DOK6: variants seen among roughly 807,000 people sequenced by gnomAD.
DOK6 encodes the protein downstream of tyrosine kinase 6.
DOK6 carries 22 observed loss-of-function variants against 44.0 expected under a neutral mutation model. That is an observed-to-expected ratio of 0.50 (90% CI 0.36 to 0.71). The LOEUF (loss-of-function observed/expected upper bound fraction) is 0.71, where lower values mean the gene tolerates loss of function less well. DOK6 is among the 30% of genes least tolerant of loss of function. The pLI is 0.00. For missense variants in DOK6, 340 were observed against 416.4 expected (o/e 0.82, Z 1.60); for synonymous variants, 166 against 145.5 (o/e 1.14, Z -1.01).
At chr18:69,699,286 C>T (rs981935766) in intron 5 of DOK6, among the ~76,000 whole-genome samples, 2 of 152,150 alleles carry the variant, frequency 1.3e-5, no homozygotes, top group African/African-American at 4.8e-5. Context: ...CATGATTTAT[C>T]ACATTCTTAA....
intron 7 of DOK6, among the ~76,000 whole-genome samples, chr18:69,821,203 C>T (rs965080260): frequency 2.6e-5 from 4 of 151,918 alleles, no homozygotes; most frequent in African/African-American, 4.8e-5. Context: ...TGAAAGTTAC[C>T]GATAGGACAT....
chr18:69,608,819 A>G (rs1984063193), intron 3 of DOK6, among the ~76,000 whole-genome samples: 1 of 151,848 alleles, frequency 6.6e-6, no homozygotes, highest in Non-Finnish European at 1.5e-5. Flanking sequence ...GCGTGGTGGC[A>G]GGCGCCTATA....
In DOK6 at chr18:69,529,580, G is replaced by A. The variant is rs147394730; in HGVS notation, c.67-34907G>A. On this transcript the variant is annotated intron_variant, in intron 1 of 7. Transcript: ENST00000382713. Reference sequence around the variant, plus strand: ...GAGTAATTGCAAGATAGCGTAATGGGCACTCCATAACATAATAAATATACT... The same window carrying A: ...GAGTAATTGCAAGATAGCGTAATGGACACTCCATAACATAATAAATATACT... 2.7e-4 allele frequency among the ~76,000 whole-genome samples: 41 copies of A among 152,014 alleles called. 1 individual carries two copies. The highest frequency in any genetic ancestry group is 9.7e-4 in the African/African-American group (40 of 41,372).
At chr18:69,806,635 G>T (rs544246598) in intron 7 of DOK6, among the ~76,000 whole-genome samples, 17 of 151,978 alleles carry the variant, frequency 1.1e-4, no homozygotes, top group African/African-American at 4.1e-4. Context: ...AGATTCAGAA[G>T]TACAGTATAA....
intron 1 of DOK6, among the ~76,000 whole-genome samples, chr18:69,429,413 A>T (rs62096603): frequency 0.13 from 19,943 of 151,610 alleles, 1,665 homozygotes; most frequent in South Asian, 0.28. Flanking sequence ...TTTAAAAATG[A>T]TTGGCTTTTC....
intron 2 of DOK6, among the ~76,000 whole-genome samples, chr18:69,584,754 A>G (rs1229134195): frequency 6.6e-6 from 1 of 152,074 alleles, no homozygotes; most frequent in Non-Finnish European, 1.5e-5. Context: ...TGGAAAATGA[A>G]TATATTGTTT....
chr18:69,762,946 G>T (rs1979609285), intron 7 of DOK6, among the ~76,000 whole-genome samples: 1 of 152,212 alleles, frequency 6.6e-6, no homozygotes, highest in Non-Finnish European at 1.5e-5. Context: ...GAAAAAGTCA[G>T]TAATCTGATT....
rs1982295966 is a variant in DOK6 at position 69,844,099 on chromosome 18, T to C, written c.*2716T>C. 1 of 152,192 alleles carries C rather than the reference T, an allele frequency of 6.6e-6. No individual in the cohort carries two copies. Among genetic ancestry groups the C allele is most frequent in the Non-Finnish European group, 1.5e-5 (1 of 68,040 alleles). 9.4% of individuals were successfully genotyped at this position (152,192 alleles called of 1,614,324 possible). ...GGAGCAACCAGAAGGGTCATGGAGA[T>C]GTATACCACTCGCTTGGGCTCGTAG... On this transcript the variant is annotated 3_prime_UTR_variant, in exon 8 of 8. Coordinates refer to ENST00000382713, the MANE Select transcript of DOK6 (RefSeq NM_152721.6).
chr18:69,563,266 A>G (rs187855100), intron 1 of DOK6, among the ~76,000 whole-genome samples: 128 of 152,352 alleles, frequency 8.4e-4, no homozygotes, highest in Middle Eastern at 3.4e-3. Flanking sequence ...ATCTAGAACT[A>G]GAACTGCCAT....
chr18:69,413,918 A>G (rs923006016), intron 1 of DOK6, among the ~76,000 whole-genome samples: 2 of 151,896 alleles, frequency 1.3e-5, no homozygotes, highest in African/African-American at 4.8e-5. Context: ...TAATTCAACC[A>G]GAAGACAGGC....
rs1982272691 is a variant in DOK6, at chr18:69,843,166, G to A, written c.*1783G>A. 6.6e-6 allele frequency: 1 copy of A among 152,078 alleles called. No homozygotes were observed. The highest frequency in any genetic ancestry group is 1.5e-5 in the Non-Finnish European group (1 of 68,014). The allele number at this position is 152,078 out of a possible 1,614,324, so 9.4% of individuals were successfully genotyped here. A position where few individuals can be genotyped will look rare whatever the true frequency, so the allele number is the denominator to read the frequency against. On this transcript the variant is annotated 3_prime_UTR_variant, in exon 8 of 8. Coordinates refer to ENST00000382713, the MANE Select transcript of DOK6 (RefSeq NM_152721.6). ...AGATACTAATCGTAAGAGTTAATGT[G>A]GCTGCAAAAAATAATTATCCTAAGC...
In DOK6 at chr18:69,785,513, G is replaced by A. The variant is rs942648666; in HGVS notation, c.856+27640G>A. 5.3e-5 allele frequency among the ~76,000 whole-genome samples: 8 copies of A among 152,208 alleles called. 1 individual carries two copies. In the South Asian group the frequency reaches 1.0e-3, roughly 20 times the overall value. On this transcript the variant is annotated intron_variant, in intron 7 of 7. Transcript: ENST00000382713. ...AAGGGATATTAACATGAAAAATATC[G>A]AAGAGCATCAAGACATTAAATCAAG...
chr18:69,765,016 G>C (rs1043946769), intron 7 of DOK6, among the ~76,000 whole-genome samples: 3 of 152,182 alleles, frequency 2.0e-5, no homozygotes, highest in African/African-American at 7.2e-5. Flanking sequence ...AGAAGGACAG[G>C]ATGGAAATAG....
intron 1 of DOK6, chr18:69,483,538 T>C (rs1427815685): frequency 1.3e-5 from 2 of 152,060 alleles, no homozygotes; most frequent in African/African-American, 4.8e-5. Context: ...TCCATAGCAT[T>C]GGGACAGACT....
intron 6 of DOK6, among the ~76,000 whole-genome samples, chr18:69,741,787 T>A (rs909032658): frequency 6.6e-6 from 1 of 152,208 alleles, no homozygotes; most frequent in African/African-American, 2.4e-5. Flanking sequence ...ATGACCACCA[T>A]GCCTGGCCAC....
intron 3 of DOK6, among the ~76,000 whole-genome samples, chr18:69,639,234 C>T (rs1295621987): frequency 3.3e-5 from 5 of 152,218 alleles, no homozygotes; most frequent in Non-Finnish European, 7.3e-5. Context: ...CTCTTAAGAG[C>T]TACTTCTACA....
intron 1 of DOK6, among the ~76,000 whole-genome samples, chr18:69,555,912 C>T (rs1470325218): frequency 6.6e-6 from 1 of 152,126 alleles, no homozygotes; most frequent in East Asian, 1.9e-4. Context: ...GTTATTGTGG[C>T]CTTGTCGGTT....
At chr18:69,831,820 T>C (rs1398603024) in intron 7 of DOK6, among the ~76,000 whole-genome samples, 1 of 152,214 alleles carries the variant, frequency 6.6e-6, no homozygotes, top group Non-Finnish European at 1.5e-5. Flanking sequence ...AGATACAGTT[T>C]ATAGAAAAGA....
intron 1 of DOK6, among the ~76,000 whole-genome samples, chr18:69,516,496 C>T (rs567407954): frequency 3.4e-4 from 51 of 152,104 alleles, no homozygotes; most frequent in South Asian, 2.9e-3. Context: ...GAGACATAAA[C>T]GAAACACTTC....
Sources: allele counts gnomAD v4.1 joint callset (sites outside exome capture counted in the v4.1 genomes callset), GRCh38; gene constraint gnomAD v4.1.1; transcripts MANE v1.5; gene names NCBI Gene and HGNC (gene_info 2026-07-23, HGNC 2026-07-21).